VIT: variants seen among roughly 807,000 people sequenced by gnomAD.
VIT encodes vitrin.
In VIT, 99 loss-of-function variants were observed where a neutral mutation model predicts 78.0. The ratio of observed to expected loss-of-function variants is 1.27; its 90% CI spans 1.08 to 1.50. The LOEUF (loss-of-function observed/expected upper bound fraction) is 1.50. VIT is among the 40% of genes most tolerant of loss of function. The probability of loss-of-function intolerance (pLI) is 0.00; values close to 1 mark genes in which losing one functional copy is unlikely to be tolerated. For missense variants in VIT, 1,126 were observed against 875.3 expected, an observed-to-expected ratio of 1.29 and a Z score of -3.61; for synonymous variants, 374 against 334.3, an observed-to-expected ratio of 1.12 and a Z score of -1.29.
chr2:36,698,015 C>T (rs1234444573), intron 1 of VIT, among the ~76,000 whole-genome samples: 1 of 152,172 alleles, frequency 6.6e-6, no homozygotes, highest in Non-Finnish European at 1.5e-5. Context: ...TGTATTTTCT[C>T]TCTATGTGTG....
intron 7 of VIT, among the ~76,000 whole-genome samples, chr2:36,771,825 A>G (rs1021563190): frequency 6.6e-6 from 1 of 152,194 alleles, no homozygotes; most frequent in Admixed American, 6.5e-5. Context: ...CAGGTAGTAA[A>G]ATGTTGAGAA....
At chr2:36,783,446 T>C in intron 11 of VIT, 44 bp downstream of exon 11, 1 of 1,593,762 alleles carries the variant, frequency 6.3e-7, no homozygotes, top group Non-Finnish European at 8.6e-7. Context: ...CTTTGACATC[T>C]GAACTGCTCT....
chr2:36,712,602 C>G (rs969806839), intron 1 of VIT, among the ~76,000 whole-genome samples: 2 of 152,266 alleles, frequency 1.3e-5, no homozygotes, highest in Admixed American at 1.3e-4. Flanking sequence ...CTTTGGGAGG[C>G]TGAGGCGGGT....
At chr2:36,773,758 A>G in intron 7 of VIT, 33 bp from the exon 8 acceptor site, 1 of 1,490,502 alleles carries the variant, frequency 6.7e-7, no homozygotes, top group South Asian at 1.5e-5. Flanking sequence ...ATTAAATAAA[A>G]TTCATGCTCT....
intron 3 of VIT, among the ~76,000 whole-genome samples, chr2:36,740,189 A>T (rs1398944570): frequency 6.6e-6 from 1 of 152,212 alleles, no homozygotes; most frequent in Non-Finnish European, 1.5e-5. Flanking sequence ...AACCAAAGAA[A>T]GAGGAAGAAA....
intron 9 of VIT, among the ~76,000 whole-genome samples, chr2:36,780,930 C>T (rs1390656663): frequency 2.0e-5 from 3 of 152,102 alleles, no homozygotes; most frequent in African/African-American, 7.2e-5. Flanking sequence ...TTTGTGCTGT[C>T]CCTGAGCCCC....
At chr2:36,731,772 A>G (rs1410369827) in intron 3 of VIT, among the ~76,000 whole-genome samples, 1 of 152,242 alleles carries the variant, frequency 6.6e-6, no homozygotes, top group South Asian at 2.1e-4. Context: ...AAGTGTGTTT[A>G]TAAAGAACCA....
At chr2:36,704,318 A>G (rs1171854826) in intron 1 of VIT, among the ~76,000 whole-genome samples, 1 of 152,176 alleles carries the variant, frequency 6.6e-6, no homozygotes, top group African/African-American at 2.4e-5. Flanking sequence ...CACCATGACA[A>G]TTAAGTAAAA....
Position 36,773,855 on chromosome 2 carries a change from C to G in VIT, c.736+8C>G, listed in dbSNP as rs974107230. On this transcript the variant is annotated splice_region_variant and intron_variant, in intron 8 of 15. Transcript: ENST00000379242. The stretch of plus-strand genomic sequence containing the variant: ...GGCCCAGAGCTGATCCAGGTAAGAC[C>G]TTAAACTCCCTTTCCAGCCACTGAT... 1 of 1,585,994 alleles carries G rather than the reference C, an allele frequency of 6.3e-7. No individual in the cohort carries two copies. The highest frequency in any genetic ancestry group is 8.6e-7 in the Non-Finnish European group (1 of 1,164,436).
At chr2:36,752,701 T>G (rs1326846721) in intron 4 of VIT, among the ~76,000 whole-genome samples, 1 of 152,226 alleles carries the variant, frequency 6.6e-6, no homozygotes, top group African/African-American at 2.4e-5. Context: ...AAGCCTCCTG[T>G]GCATCCTGCT....
At chr2:36,796,101 A>G (rs1665878904) in intron 12 of VIT, among the ~76,000 whole-genome samples, 1 of 114,426 alleles carries the variant, frequency 8.7e-6, no homozygotes, top group South Asian at 3.0e-4. Context: ...TCATGAGATC[A>G]TGACTGATTA....
chr2:36,727,273 C>T (rs563954330), intron 2 of VIT, among the ~76,000 whole-genome samples: 3 of 152,154 alleles, frequency 2.0e-5, no homozygotes, highest in Non-Finnish European at 4.4e-5. Flanking sequence ...TCAGCCTTCC[C>T]TCAGGCACAC....
At chr2:36,747,859 A>G (rs1247444716) in intron 4 of VIT, among the ~76,000 whole-genome samples, 2 of 152,106 alleles carry the variant, frequency 1.3e-5, no homozygotes, top group Non-Finnish European at 2.9e-5. Flanking sequence ...TGGGCTATGA[A>G]CTTAAGTGTG....
intron 3 of VIT, among the ~76,000 whole-genome samples, chr2:36,741,907 C>G (rs1221016347): frequency 6.6e-6 from 1 of 152,164 alleles, no homozygotes; most frequent in Non-Finnish European, 1.5e-5. Flanking sequence ...TAAGTTCTAG[C>G]TCACCCTCTG....
intron 2 of VIT, among the ~76,000 whole-genome samples, chr2:36,718,675 T>C (rs985519703): frequency 6.6e-6 from 1 of 152,108 alleles, no homozygotes; most frequent in African/African-American, 2.4e-5. Context: ...TCCTGTCAGA[T>C]GGCCATGAGA....
intron 2 of VIT, among the ~76,000 whole-genome samples, chr2:36,726,397 G>A (rs1332809984): frequency 6.6e-6 from 1 of 152,202 alleles, no homozygotes; most frequent in Non-Finnish European, 1.5e-5. Context: ...GTATTCACAT[G>A]AATACCTGTA....
chr2:36,812,608 C>T (rs1667253779), intron 15 of VIT, among the ~76,000 whole-genome samples: 2 of 152,098 alleles, frequency 1.3e-5, no homozygotes, highest in Admixed American at 1.3e-4. Flanking sequence ...TTACTCCTTC[C>T]CATTTGCACC....
chr2:36,719,224 C>T (rs111523488), intron 2 of VIT, among the ~76,000 whole-genome samples: 96 of 152,270 alleles, frequency 6.3e-4, no homozygotes, highest in African/African-American at 2.2e-3. Context: ...AGGGCCACAG[C>T]TAATATCATA....
chr2:36,710,164 TAAC>T (rs1558504852), intron 1 of VIT, among the ~76,000 whole-genome samples: 1 of 152,236 alleles, frequency 6.6e-6, no homozygotes, highest in African/African-American at 2.4e-5. Flanking sequence ...GTGATAATGA[TAAC>T]AACAATACTT....
Sources: allele counts gnomAD v4.1 joint callset (sites outside exome capture counted in the v4.1 genomes callset), GRCh38; gene constraint gnomAD v4.1.1; transcripts MANE v1.5; gene names NCBI Gene and HGNC (gene_info 2026-07-23, HGNC 2026-07-21).